Variants in SLC39A11 observed in about 807,000 individuals in gnomAD.
The protein encoded by SLC39A11 is solute carrier family 39 member 11.
Under a neutral mutation model 36.1 loss-of-function variants are expected in SLC39A11, and 33 were observed. The ratio of observed to expected loss-of-function variants is 0.91; its 90% CI spans 0.69 to 1.22. The LOEUF (loss-of-function observed/expected upper bound fraction) is 1.22, where lower values mean the gene tolerates loss of function less well. Among genes scored for constraint, SLC39A11 ranks in the 50% most tolerant of loss-of-function variants. The pLI is 0.00. For synonymous variants in SLC39A11, 166 were observed against 170.3 expected (o/e 0.97, Z 0.20); for missense variants, 432 against 430.3 (o/e 1.00, Z -0.03).
Position 72,646,671 on chromosome 17 carries a change from A to G in SLC39A11, c.*913T>C, listed in dbSNP as rs561311795. 1 of 152,774 alleles carries G rather than the reference A, an allele frequency of 6.5e-6. No homozygotes were observed. The highest frequency in any genetic ancestry group is 2.1e-4 in the South Asian group (1 of 4,830). 9.5% of individuals were successfully genotyped at this position (152,774 alleles called of 1,614,324 possible). A position where few individuals can be genotyped will look rare whatever the true frequency, so the allele number is the denominator to read the frequency against. On this transcript the variant is annotated 3_prime_UTR_variant, in exon 10 of 10. Transcript: ENST00000255559. Reference sequence around the variant, plus strand: ...CAAAACTCTTTCATTCACTTGAGTTAACTGAAATGGCTCCTTCTTTGAGTA... The same window carrying G: ...CAAAACTCTTTCATTCACTTGAGTTGACTGAAATGGCTCCTTCTTTGAGTA...
intron 7 of SLC39A11, among the ~76,000 whole-genome samples, chr17:72,676,285 G>A (rs895050374): frequency 1.3e-5 from 2 of 152,144 alleles, no homozygotes; most frequent in Non-Finnish European, 2.9e-5. Context: ...TGTCCAGGGA[G>A]GGACCCCAGC....
intron 4 of SLC39A11, among the ~76,000 whole-genome samples, chr17:73,009,136 G>A (rs4969050): frequency 0.62 from 92,975 of 149,480 alleles, 32,009 homozygotes; most frequent in Non-Finnish European, 0.77. Flanking sequence ...GGCCAAGGCG[G>A]GCGGATCACA....
chr17:72,990,440 T>C (rs1265735795), intron 4 of SLC39A11, among the ~76,000 whole-genome samples: 1 of 152,172 alleles, frequency 6.6e-6, no homozygotes. Context: ...TTTTTCAAGA[T>C]GGAGTCTCCC....
intron 7 of SLC39A11, among the ~76,000 whole-genome samples, chr17:72,689,260 A>G (rs892271266): frequency 1.1e-4 from 17 of 152,330 alleles, no homozygotes; most frequent in African/African-American, 3.8e-4. Context: ...CACTCTCCCA[A>G]GATAGGGAGG....
chr17:73,090,906 GGCAAT>G (rs1205999813), intron 1 of SLC39A11, among the ~76,000 whole-genome samples: 1 of 152,208 alleles, frequency 6.6e-6, no homozygotes, highest in Non-Finnish European at 1.5e-5. Context: ...ATTGATCACG[GGCAAT>G]GCAAGCCCAG....
rs150415873 is a variant in SLC39A11 at position 73,077,523 on chromosome 17, T to G, written c.147+7285A>C. The stretch of plus-strand genomic sequence containing the variant: ...TTTGTTTTTTGACAGAGACAGGGTT[T>G]CTCCATGTTGTCCAGACTGGTCTCA... On this transcript the variant is annotated intron_variant, in intron 3 of 9. Transcript: ENST00000255559. Among the ~76,000 whole-genome samples the G allele has an allele frequency of 9.5e-4, 145 of 152,304 alleles. 1 individual carries two copies. Among genetic ancestry groups the G allele is most frequent in the Non-Finnish European group, 1.8e-3 (123 of 68,016 alleles).
At chr17:73,031,930 G>A (rs2148676467) in intron 3 of SLC39A11, among the ~76,000 whole-genome samples, 1 of 152,276 alleles carries the variant, frequency 6.6e-6, no homozygotes, top group Admixed American at 6.5e-5. Flanking sequence ...GTAGGATAGA[G>A]TTGACCTTGG....
intron 7 of SLC39A11, among the ~76,000 whole-genome samples, chr17:72,669,893 T>C (rs1234932402): frequency 6.6e-6 from 1 of 151,222 alleles, no homozygotes; most frequent in Non-Finnish European, 1.5e-5. Flanking sequence ...TATAGATGTA[T>C]ATACACATAT....
intron 6 of SLC39A11, among the ~76,000 whole-genome samples, chr17:72,793,940 C>A (rs915114253): frequency 2.0e-5 from 3 of 151,372 alleles, no homozygotes; most frequent in Admixed American, 2.0e-4. Flanking sequence ...TGATACCACA[C>A]CGGCCAGTAT....
intron 3 of SLC39A11, among the ~76,000 whole-genome samples, chr17:73,043,563 T>C (rs890722521): frequency 1.3e-5 from 2 of 152,178 alleles, no homozygotes; most frequent in African/African-American, 2.4e-5. Context: ...ACCCACTGTC[T>C]TCGGCAGGGT....
intron 4 of SLC39A11, among the ~76,000 whole-genome samples, chr17:73,005,002 G>T (rs963976795): frequency 2.0e-5 from 3 of 152,114 alleles, no homozygotes; most frequent in Admixed American, 6.6e-5. Context: ...TTGTTTGTTT[G>T]TTTGTTTGTT....
intron 3 of SLC39A11, among the ~76,000 whole-genome samples, chr17:73,070,842 C>A (rs967827718): frequency 1.3e-5 from 2 of 152,180 alleles, no homozygotes; most frequent in Admixed American, 1.3e-4. Flanking sequence ...CTTTCACTTT[C>A]TGCCATGATT....
intron 6 of SLC39A11, among the ~76,000 whole-genome samples, chr17:72,849,210 G>C (rs940707558): frequency 2.6e-5 from 4 of 152,170 alleles, no homozygotes; most frequent in African/African-American, 9.7e-5. Context: ...TCAGGGGGCA[G>C]AGGCGGAAGA....
At chr17:73,012,881 C>A (rs1458539104) in intron 4 of SLC39A11, among the ~76,000 whole-genome samples, 1 of 151,864 alleles carries the variant, frequency 6.6e-6, no homozygotes, top group East Asian at 1.9e-4. Flanking sequence ...TCACTGCAAT[C>A]TCCACCTCCC....
intron 7 of SLC39A11, among the ~76,000 whole-genome samples, chr17:72,697,141 G>A (rs1367336504): frequency 6.6e-6 from 1 of 152,136 alleles, no homozygotes; most frequent in African/African-American, 2.4e-5. Context: ...GGAGTGCAGT[G>A]GTCTGATCAC....
chr17:72,736,804 G>A (rs1211568665), intron 6 of SLC39A11, 85 bp from the exon 7 acceptor site: 3 of 1,081,648 alleles, frequency 2.8e-6, no homozygotes, highest in African/African-American at 3.1e-5. Context: ...CATTAAGTAG[G>A]ACTGCATGAG....
chr17:72,729,445 A>T (rs1567995138), intron 7 of SLC39A11, among the ~76,000 whole-genome samples: 889 of 3,120 alleles, frequency 0.28, 127 homozygotes, highest in Non-Finnish European at 0.34. Flanking sequence ...ATATATATAT[A>T]TATATATATA....
At chr17:72,946,373 T>C (rs536787154) in intron 5 of SLC39A11, among the ~76,000 whole-genome samples, 2 of 152,342 alleles carry the variant, frequency 1.3e-5, no homozygotes, top group African/African-American at 2.4e-5. Flanking sequence ...ATTTGAGTTC[T>C]CCATGAATAA....
intron 5 of SLC39A11, among the ~76,000 whole-genome samples, chr17:72,912,253 G>A (rs756561697): frequency 5.3e-4 from 81 of 151,864 alleles, no homozygotes; most frequent in Non-Finnish European, 1.1e-3. Flanking sequence ...GCAGAAGCCT[G>A]GAGAGCTGGA....
Sources: gnomAD v4.1 joint callset for allele counts (sites outside exome capture counted in the v4.1 genomes callset) on GRCh38, gnomAD v4.1.1 for gene constraint, MANE v1.5 for transcripts, NCBI Gene and HGNC (gene_info 2026-07-23, HGNC 2026-07-21) for gene names.